Variants in ZNF626 observed in about 807,000 individuals in gnomAD.
ZNF626 encodes zinc finger protein 626, also known as CTC-513N18.7.
In ZNF626, 4 loss-of-function variants were observed where a neutral mutation model predicts 11.7. The observed-to-expected ratio is 0.34, with a 90% confidence interval of 0.17 to 0.78. The LOEUF (loss-of-function observed/expected upper bound fraction) is 0.78. Among genes scored for constraint, ZNF626 ranks in the 30% least tolerant of loss-of-function variants. ZNF626 has a pLI of 0.57. For missense variants in ZNF626, 588 were observed against 587.1 expected (o/e 1.00, Z -0.01); for synonymous variants, 179 against 198.6 (o/e 0.90, Z 0.83).
rs1307220302 is a variant in ZNF626, at chr19:20,621,200, C to T, written c.*3090G>A. ...CTGGAGTGCAGTGGTGCTATCTCAG[C>T]TCACTGAAACCTCCACCTCCCAGGT... On this transcript the variant is annotated 3_prime_UTR_variant, in exon 4 of 4. Coordinates refer to ENST00000601440, the MANE Select transcript of ZNF626 (RefSeq NM_001076675.3). The T allele has an allele frequency of 2.6e-5, 4 of 152,148 alleles. No homozygotes were observed. Among genetic ancestry groups the T allele is most frequent in the African/African-American group, 9.7e-5 (4 of 41,370 alleles). The allele number at this position is 152,148 out of a possible 1,614,324, so 9.4% of individuals were successfully genotyped here.
Position 20,624,266 on chromosome 19 carries a change from T to G in ZNF626, c.*24A>C. The G allele has an allele frequency of 6.2e-7, 1 of 1,613,560 alleles. No homozygotes were observed. Among genetic ancestry groups the G allele is most frequent in the Admixed American group, 1.7e-5 (1 of 59,958 alleles). On this transcript the variant is annotated 3_prime_UTR_variant, in exon 4 of 4. Coordinates refer to ENST00000601440, the MANE Select transcript of ZNF626 (RefSeq NM_001076675.3). ...AAAGCTTTGTCACATTCTTCACATT[T>G]GTAGAATTTCTCTCCAGTATGAATT...
intron 3 of ZNF626, among the ~76,000 whole-genome samples, chr19:20,627,492 C>CA (rs1213544526): frequency 2.0e-5 from 3 of 151,068 alleles, no homozygotes; most frequent in South Asian, 2.1e-4. Context: ...ATACAAAAAG[C>CA]AAAAAACCAC....
At chr19:20,655,865 G>A (rs1555773063) in intron 1 of ZNF626, among the ~76,000 whole-genome samples, 1 of 151,934 alleles carries the variant, frequency 6.6e-6, no homozygotes, top group East Asian at 1.9e-4. Context: ...AACCCAGGAG[G>A]CAGAGGTTGC....
chr19:20,654,857 T>C (rs911539510), intron 1 of ZNF626, among the ~76,000 whole-genome samples: 1 of 151,998 alleles, frequency 6.6e-6, no homozygotes, highest in African/African-American at 2.4e-5. Context: ...ACGCCTGTAA[T>C]CCCAGCACTT....
In ZNF626 at chr19:20,625,599, T is replaced by C; in HGVS notation, c.278A>G (p.Asp93Gly). The C allele has an allele frequency of 6.3e-7, 1 of 1,594,792 alleles. No homozygotes were observed. The highest frequency in any genetic ancestry group is 8.5e-7 in the Non-Finnish European group (1 of 1,171,520). ...TCTCAGTACCACTTTTTGGAAAGAA[T>C]CTTTCATGCTCTGCTCTGGCCAAAG... ...QDLWPEQSMK[D>G]SFQKVVLRRY... Residue 93 changes from aspartate (D) to glycine (G), a missense_variant, in exon 4 of 4, where the codon GAT becomes GGT. Physicochemically the swap from Asp to Gly is moderately conservative, Grantham distance 94. Around this residue, in one of 4 missense-constraint regions of ZNF626, gnomAD observed 524 missense variants for 470.1 expected, o/e 1.11. Coordinates refer to ENST00000601440, the MANE Select transcript of ZNF626 (RefSeq NM_001076675.3).
Position 20,623,714 on chromosome 19 carries a change from G to C in ZNF626, c.*576C>G, listed in dbSNP as rs187869753. On this transcript the variant is annotated 3_prime_UTR_variant, in exon 4 of 4. Transcript: ENST00000601440. ...CTTGGGAGGTTGAGGCAGGAGAATG[G>C]ATTGAACCCAGAAGGCGGAGGTTGC... is the stretch of plus-strand genomic sequence containing the variant. 4 of 212,440 alleles carry C rather than the reference G, an allele frequency of 1.9e-5. No homozygotes were observed. Among genetic ancestry groups the C allele is most frequent in the Admixed American group, 1.6e-4 (3 of 18,960 alleles). The allele number at this position is 212,440 out of a possible 1,614,324, so 13.2% of individuals were successfully genotyped here.
chr19:20,645,285 A>G, intron 3 of ZNF626: 1 of 1,493,298 alleles, frequency 6.7e-7, no homozygotes, highest in Non-Finnish European at 8.8e-7. Flanking sequence ...ACTCTCAGAC[A>G]TTTCAGATCT....
At chr19:20,647,381 G>A (rs1970091407) in intron 1 of ZNF626, among the ~76,000 whole-genome samples, 1 of 151,316 alleles carries the variant, frequency 6.6e-6, no homozygotes, top group Admixed American at 6.6e-5. Flanking sequence ...TAATAATAAA[G>A]AGGAAAAATA....
In ZNF626 at chr19:20,620,314, TA is replaced by T. The variant is rs1969742738; in HGVS notation, c.*3975del. 6.6e-6 allele frequency: 1 copy of T among 152,164 alleles called. No homozygotes were observed. The highest frequency in any genetic ancestry group is 1.5e-5 in the Non-Finnish European group (1 of 68,044). 9.4% of individuals were successfully genotyped at this position (152,164 alleles called of 1,614,324 possible). On this transcript the variant is annotated 3_prime_UTR_variant, in exon 4 of 4. Transcript: ENST00000601440. ...ATATTCAAGGTGTTTAGTTTTCCAT[TA>T]ATCACCTAAAAACTTATTTTGTTCC...
At chr19:20,627,670 T>A (rs911114106) in intron 3 of ZNF626, among the ~76,000 whole-genome samples, 9 of 152,138 alleles carry the variant, frequency 5.9e-5, no homozygotes, top group African/African-American at 1.9e-4. Context: ...TAAAAAATTT[T>A]AAAAATCAAG....
chr19:20,652,900 C>T (rs1437698275), intron 1 of ZNF626, among the ~76,000 whole-genome samples: 1 of 152,078 alleles, frequency 6.6e-6, no homozygotes, highest in Non-Finnish European at 1.5e-5. Context: ...TCACTACACA[C>T]GTTACTCTAC....
At chr19:20,650,345 T>TA (rs1365934849) in intron 1 of ZNF626, among the ~76,000 whole-genome samples, 5 of 152,320 alleles carry the variant, frequency 3.3e-5, no homozygotes, top group African/African-American at 1.2e-4. Flanking sequence ...TTTATTCTGT[T>TA]TATATTTACA....
intron 1 of ZNF626, among the ~76,000 whole-genome samples, chr19:20,653,875 T>C (rs986215823): frequency 9.9e-5 from 15 of 152,180 alleles, no homozygotes; most frequent in Admixed American, 3.9e-4. Context: ...ACATAGCTAA[T>C]TGAAGAGCTA....
rs1165681422 is a variant in ZNF626, at chr19:20,623,091, C to G, written c.*1199G>C. ...TAAATACTCTTCTTCACTTTAAAGGCTTATATTTTCTGAAAGATTTTTTGA... is the reference window on the plus strand; with the variant it reads ...TAAATACTCTTCTTCACTTTAAAGGGTTATATTTTCTGAAAGATTTTTTGA... On this transcript the variant is annotated 3_prime_UTR_variant, in exon 4 of 4. Coordinates refer to ENST00000601440, the MANE Select transcript of ZNF626 (RefSeq NM_001076675.3). The G allele has an allele frequency of 1.3e-5, 2 of 152,292 alleles. No homozygotes were observed. Among genetic ancestry groups the G allele is most frequent in the African/African-American group, 4.8e-5 (2 of 41,444 alleles). 9.4% of individuals were successfully genotyped at this position (152,292 alleles called of 1,614,324 possible). A position where few individuals can be genotyped will look rare whatever the true frequency, so the allele number is the denominator to read the frequency against.
chr19:20,660,154 T>G (rs1389664111), intron 1 of ZNF626, among the ~76,000 whole-genome samples: 1 of 143,656 alleles, frequency 7.0e-6, no homozygotes, highest in African/African-American at 2.6e-5. Context: ...CAGCTACTGG[T>G]GGGGCTGAGG....
chr19:20,630,574 T>C (rs2144768843), intron 3 of ZNF626, among the ~76,000 whole-genome samples: 1 of 152,284 alleles, frequency 6.6e-6, no homozygotes, highest in South Asian at 2.1e-4. Flanking sequence ...CATAGAGGTG[T>C]TTATAGTATT....
At chr19:20,633,610 C>T (rs1568456957) in intron 3 of ZNF626, among the ~76,000 whole-genome samples, 1 of 152,198 alleles carries the variant, frequency 6.6e-6, no homozygotes, top group African/African-American at 2.4e-5. Flanking sequence ...ATATAATATC[C>T]TGGTGTGCCG....
At chr19:20,643,271 G>T (rs1247764101) in intron 3 of ZNF626, among the ~76,000 whole-genome samples, 1 of 151,846 alleles carries the variant, frequency 6.6e-6, no homozygotes, top group Non-Finnish European at 1.5e-5. Flanking sequence ...TAGAAGCAAA[G>T]AATAGCCTTA....
chr19:20,652,938 A>T (rs1970163393), intron 1 of ZNF626, among the ~76,000 whole-genome samples: 1 of 152,192 alleles, frequency 6.6e-6, no homozygotes, highest in Non-Finnish European at 1.5e-5. Context: ...ATGGTCTCTG[A>T]ATCAGTTTCA....
Sources: allele counts gnomAD v4.1 joint callset (sites outside exome capture counted in the v4.1 genomes callset), GRCh38; gene constraint gnomAD v4.1.1; regional missense constraint gnomAD v4.1.1; transcripts MANE v1.5; gene names NCBI Gene and HGNC (gene_info 2026-07-23, HGNC 2026-07-21).